OR3A1: variants seen among roughly 807,000 people sequenced by gnomAD.
The protein encoded by OR3A1 is olfactory receptor family 3 subfamily A member 1.
For missense variants in OR3A1, 402 were observed against 393.8 expected (o/e 1.02, Z -0.18); for synonymous variants, 145 against 160.0 (o/e 0.91, Z 0.71).
chr17:3,295,326 GGA>G (rs1329440097), intron 1 of OR3A1, among the ~76,000 whole-genome samples: 2 of 151,922 alleles, frequency 1.3e-5, no homozygotes, highest in Non-Finnish European at 2.9e-5. Flanking sequence ...ACATGGTATA[GGA>G]GAGAGAGAAA....
chr17:3,291,939 G>C lies in OR3A1; in HGVS notation c.644C>G (p.Ala215Gly), dbSNP rs1478608844. 2.5e-6 allele frequency: 4 copies of C among 1,614,092 alleles called. No homozygotes were observed. Among genetic ancestry groups the C allele is most frequent in the Non-Finnish European group, 3.4e-6 (4 of 1,179,990 alleles). ...VGFIMAGTPM[A>G]LIVISYIHVA... ...GTGGATATAGGAGATGACAATGAGA[G>C]CCATGGGGGTACCTGCCATTATAAA... The change falls in exon 2 of 2, where the codon GCT becomes GGT. Residue 215 changes from alanine to glycine, a missense_variant. Coordinates refer to ENST00000323404, the MANE Select transcript of OR3A1 (RefSeq NM_002550.3).
At chr17:3,292,819 C>T (rs1013124018) in intron 1 of OR3A1, among the ~76,000 whole-genome samples, 3 of 152,002 alleles carry the variant, frequency 2.0e-5, no homozygotes, top group South Asian at 4.1e-4. Context: ...CACTCTGGAC[C>T]TCCCTCCTCC....
At chr17:3,297,874 T>G (rs985778280) in intron 1 of OR3A1, among the ~76,000 whole-genome samples, 7 of 151,906 alleles carry the variant, frequency 4.6e-5, no homozygotes, top group African/African-American at 7.3e-5. Context: ...GATAAAAGAT[T>G]GATACGATTT....
rs138089982 is a variant in OR3A1, at chr17:3,292,303, C to A, written c.280G>T (p.Ala94Ser). The A allele has an allele frequency of 5.7e-5, 92 of 1,614,148 alleles. No homozygotes were observed. The African/African-American group carries it at 1.1e-3, about 20-fold the overall frequency. ...GTAAGGCAGGCCCCACAGGGAACTG[C>A]ACGCTTGCGGGACAGGAGACGACTC... ...MLSRLLSRKR[A>S]VPCGACLTQL... is the part of the protein sequence containing the mutation. The change falls in exon 2 of 2, where the codon GCA becomes TCA. Residue 94 changes from alanine (A) to serine (S), a missense_variant. Coordinates refer to ENST00000323404, the MANE Select transcript of OR3A1 (RefSeq NM_002550.3).
intron 1 of OR3A1, among the ~76,000 whole-genome samples, chr17:3,294,314 G>A (rs781760844): frequency 4.0e-5 from 6 of 151,824 alleles, no homozygotes; most frequent in Non-Finnish European, 8.8e-5. Flanking sequence ...TTAAAGAAAT[G>A]TAAAATTACT....
chr17:3,294,499 A>G (rs946635529), intron 1 of OR3A1, among the ~76,000 whole-genome samples: 1 of 152,222 alleles, frequency 6.6e-6, no homozygotes, highest in Admixed American at 6.5e-5. Context: ...GGAAATCAAA[A>G]AAGTGGAAAA....
rs563339016 is a variant in OR3A1, at chr17:3,291,368, C to T, written c.*267G>A. On this transcript the variant is annotated 3_prime_UTR_variant, in exon 2 of 2. Coordinates refer to ENST00000323404, the MANE Select transcript of OR3A1 (RefSeq NM_002550.3). ...ATGAACCTGTCAGCACTCACAGCTT[C>T]CTAGGTTTCACCTCTAGCCAGAAAG... is the stretch of plus-strand genomic sequence containing the variant. 5.1e-5 allele frequency: 18 copies of T among 354,978 alleles called. No individual in the cohort carries two copies. In the South Asian group the frequency reaches 1.7e-3, roughly 33 times the overall value. The allele number at this position is 354,978 out of a possible 1,614,324, so 22.0% of individuals were successfully genotyped here.
At chr17:3,295,097 T>C (rs1192513609) in intron 1 of OR3A1, among the ~76,000 whole-genome samples, 2 of 152,052 alleles carry the variant, frequency 1.3e-5, no homozygotes, top group Non-Finnish European at 2.9e-5. Context: ...TTGTGAAAAT[T>C]GTAAGTATGA....
intron 1 of OR3A1, among the ~76,000 whole-genome samples, chr17:3,295,694 C>T (rs765320777): frequency 6.6e-6 from 1 of 151,920 alleles, no homozygotes; most frequent in African/African-American, 2.4e-5. Flanking sequence ...CCAAAATATA[C>T]AGCCAAAACC....
chr17:3,295,982 T>C (rs748621303), intron 1 of OR3A1, among the ~76,000 whole-genome samples: 31 of 152,118 alleles, frequency 2.0e-4, no homozygotes, highest in Non-Finnish European at 3.8e-4. Context: ...TTTCAGTCCA[T>C]ATAAATTTAA....
intron 1 of OR3A1, among the ~76,000 whole-genome samples, chr17:3,297,561 C>A (rs1285769643): frequency 6.6e-6 from 1 of 151,122 alleles, no homozygotes; most frequent in East Asian, 1.9e-4. Flanking sequence ...CTCTGCGGCA[C>A]TTTAATTGTA....
intron 1 of OR3A1, among the ~76,000 whole-genome samples, chr17:3,293,568 A>G (rs1442525271): frequency 1.3e-5 from 2 of 152,196 alleles, no homozygotes; most frequent in African/African-American, 4.8e-5. Flanking sequence ...AAACCTGCAC[A>G]TCATATAAAC....
In OR3A1 at chr17:3,291,623, A is replaced by G. The variant is rs1301401349; in HGVS notation, c.*12T>C. 2.5e-6 allele frequency: 4 copies of G among 1,574,966 alleles called. No individual in the cohort carries two copies. Among genetic ancestry groups the G allele is most frequent in the Middle Eastern group, 1.7e-4 (1 of 5,888 alleles). On this transcript the variant is annotated 3_prime_UTR_variant, in exon 2 of 2. Transcript: ENST00000323404. The stretch of plus-strand genomic sequence containing the variant: ...TACAAGACACAGGGAGAAAGGGTCA[A>G]TTGAGACCTCCTCAAGCCAGTGACC...
chr17:3,295,581 A>T (rs535783079), intron 1 of OR3A1, among the ~76,000 whole-genome samples: 1 of 152,264 alleles, frequency 6.6e-6, no homozygotes, highest in South Asian at 2.1e-4. Flanking sequence ...GAACAAAATT[A>T]GTACCAAACA....
rs1225978150 is a variant in OR3A1, at chr17:3,291,137, TTTTG to T, written c.*494_*497del. 4.4e-4 allele frequency: 67 copies of T among 152,856 alleles called. No homozygotes were observed. The highest frequency in any genetic ancestry group is 8.7e-5 in the Non-Finnish European group (6 of 68,578). 9.5% of individuals were successfully genotyped at this position (152,856 alleles called of 1,614,324 possible). A position where few individuals can be genotyped will look rare whatever the true frequency, so the allele number is the denominator to read the frequency against. On this transcript the variant is annotated 3_prime_UTR_variant, in exon 2 of 2. Coordinates refer to ENST00000323404, the MANE Select transcript of OR3A1 (RefSeq NM_002550.3). ...TTAATGGGAATAGAAAGAGCTACTT[TTTTG>T]TTTTTGTTTCTTTTTGTTTTATTTT...
Position 3,291,732 on chromosome 17 carries a change from A to G in OR3A1, c.851T>C (p.Ile284Thr), listed in dbSNP as rs1256871418. ...DKAVGIFNTV[I>T]NPMLNPIIYS... ...GATGATTGGGTTCAGCATGGGATTG[A>G]TGACAGTGTTGAAAATTCCAACAGC... Residue 284 changes from isoleucine to threonine, a missense_variant, in exon 2 of 2, where the codon ATC (isoleucine) becomes ACC (threonine). Ile to Thr is a moderately conservative substitution (Grantham distance 89, BLOSUM62 -1). Transcript: ENST00000323404. 3.7e-6 allele frequency: 6 copies of G among 1,613,774 alleles called. No individual in the cohort carries two copies. Among genetic ancestry groups the G allele is most frequent in the Non-Finnish European group, 5.1e-6 (6 of 1,179,680 alleles).
rs1427809542 is a variant in OR3A1 at position 3,291,874 on chromosome 17, T to C, written c.709A>G (p.Arg237Gly). Reference protein sequence around the residue: ...AVLRIRSVEGRKKAFSTCGSH... With the variant: ...AVLRIRSVEGGKKAFSTCGSH... ...CCACATGTGGAGAAGGCTTTCTTCCTGCCCTCTACAGAGCGAATTCGCAGG... is the reference window on the plus strand; with the variant it reads ...CCACATGTGGAGAAGGCTTTCTTCCCGCCCTCTACAGAGCGAATTCGCAGG... The change falls in exon 2 of 2, where the codon AGG becomes GGG. Residue 237 changes from arginine (R) to glycine (G), a missense_variant. Arg to Gly is a moderately radical substitution (Grantham distance 125). Transcript: ENST00000323404. 6.2e-7 allele frequency: 1 copy of C among 1,614,250 alleles called. No individual in the cohort carries two copies. Among genetic ancestry groups the C allele is most frequent in the South Asian group, 1.1e-5 (1 of 91,088 alleles).
chr17:3,297,026 A>T (rs999449782), intron 1 of OR3A1, among the ~76,000 whole-genome samples: 6 of 152,108 alleles, frequency 3.9e-5, no homozygotes, highest in African/African-American at 1.4e-4. Context: ...GGCCCTGCAG[A>T]GATTCCCTTT....
At chr17:3,295,516 C>T (rs1458023388) in intron 1 of OR3A1, among the ~76,000 whole-genome samples, 2 of 151,990 alleles carry the variant, frequency 1.3e-5, no homozygotes, top group Non-Finnish European at 2.9e-5. Flanking sequence ...ACAAATGTAG[C>T]CCTTACAGTG....
Sources: gnomAD v4.1 joint callset for allele counts (sites outside exome capture counted in the v4.1 genomes callset) on GRCh38, gnomAD v4.1.1 for gene constraint, MANE v1.5 for transcripts, NCBI Gene and HGNC (gene_info 2026-07-23, HGNC 2026-07-21) for gene names.